The following TPO variants were observed in gnomAD, a reference collection of about 807,000 sequenced individuals.
TPO encodes thyroid microsomal antigen.
Under a neutral mutation model 96.9 loss-of-function variants are expected in TPO, and 78 were observed. That is an observed-to-expected ratio of 0.81 (90% confidence interval 0.67 to 0.97). TPO has a LOEUF of 0.97. TPO is among the 50% of genes least tolerant of loss of function. The probability of loss-of-function intolerance (pLI) is 0.00; values close to 1 mark genes in which losing one functional copy is unlikely to be tolerated. For missense variants in TPO, 1,252 were observed against 1,274.8 expected (o/e 0.98, Z 0.27); for synonymous variants, 547 against 538.0 (o/e 1.02, Z -0.23).
intron 13 of TPO, chr2:1,503,735 T>C (rs1482909482): frequency 2.4e-6 from 2 of 845,112 alleles, no homozygotes; most frequent in East Asian, 5.4e-5. Flanking sequence ...CCCTGCAGGC[T>C]CAGAGCCCGT....
intron 1 of TPO, among the ~76,000 whole-genome samples, chr2:1,392,296 T>C (rs1486819752): frequency 6.6e-6 from 1 of 152,230 alleles, no homozygotes; most frequent in African/African-American, 2.4e-5. Flanking sequence ...GTTTACGTGA[T>C]GGATTATGTT....
intron 5 of TPO, among the ~76,000 whole-genome samples, chr2:1,451,386 A>T (rs1667287241): frequency 6.6e-6 from 1 of 152,162 alleles, no homozygotes; most frequent in African/African-American, 2.4e-5. Context: ...TTATGACAAA[A>T]CCACTAATTT....
At chr2:1,531,748 ACT>A (rs1337071241) in intron 15 of TPO, among the ~76,000 whole-genome samples, 3 of 5,872 alleles carry the variant, frequency 5.1e-4, no homozygotes, top group African/African-American at 2.6e-3. Flanking sequence ...AATCACCCCC[ACT>A]CTCTGTAACC....
chr2:1,527,729 CACCAAATTT>C (rs1676919608), intron 15 of TPO, among the ~76,000 whole-genome samples: 1 of 146,676 alleles, frequency 6.8e-6, no homozygotes, highest in African/African-American at 2.6e-5. Context: ...TGTGCAACCT[CACCAAATTT>C]CTCCCACTCT....
intron 13 of TPO, among the ~76,000 whole-genome samples, chr2:1,497,298 C>T (rs552200254): frequency 1.3e-5 from 2 of 152,190 alleles, no homozygotes; most frequent in Non-Finnish European, 2.9e-5. Context: ...GGCCGCAAGG[C>T]AAGACAGCCG....
At chr2:1,491,074 G>C (rs1387372381) in intron 10 of TPO, among the ~76,000 whole-genome samples, 1 of 152,138 alleles carries the variant, frequency 6.6e-6, no homozygotes, top group Non-Finnish European at 1.5e-5. Flanking sequence ...AGAGGCTGAG[G>C]CAGGAGAATT....
chr2:1,393,400 GA>G (rs1160957645), intron 1 of TPO, among the ~76,000 whole-genome samples: 1 of 152,218 alleles, frequency 6.6e-6, no homozygotes, highest in Admixed American at 6.5e-5. Flanking sequence ...TTTGGGTGGG[GA>G]CACAGATTCA....
intron 5 of TPO, 25 bp downstream of exon 5, chr2:1,436,409 C>T: frequency 6.2e-7 from 1 of 1,614,104 alleles, no homozygotes; most frequent in East Asian, 2.2e-5. Context: ...TTTTCTTAAT[C>T]TTCTCGTGAA....
chr2:1,478,049 C>T (rs1670153358), intron 8 of TPO: 1 of 985,414 alleles, frequency 1.0e-6, no homozygotes, highest in Non-Finnish European at 1.2e-6. Context: ...GTGGGTGGAC[C>T]AGGGGTGCTG....
chr2:1,499,477 G>A (rs1436869609), intron 13 of TPO, among the ~76,000 whole-genome samples: 1 of 152,160 alleles, frequency 6.6e-6, no homozygotes, highest in South Asian at 2.1e-4. Flanking sequence ...CAGGGTGCAG[G>A]GGCCTGTCTC....
intron 1 of TPO, among the ~76,000 whole-genome samples, chr2:1,378,640 G>A (rs992242908): frequency 3.3e-5 from 5 of 152,202 alleles, no homozygotes; most frequent in Admixed American, 6.5e-5. Context: ...GGGCGACTGC[G>A]ACTCCGTGCT....
intron 1 of TPO, among the ~76,000 whole-genome samples, chr2:1,397,817 A>C (rs926741375): frequency 6.6e-6 from 1 of 152,186 alleles, no homozygotes; most frequent in Admixed American, 6.5e-5. Flanking sequence ...TCCTCTCTGC[A>C]CAACCCCCGA....
chr2:1,457,848 T>G (rs958037571), intron 7 of TPO, among the ~76,000 whole-genome samples: 1 of 152,034 alleles, frequency 6.6e-6, no homozygotes, highest in Non-Finnish European at 1.5e-5. Context: ...GGATTATGTG[T>G]GGGCATGTGT....
chr2:1,439,129 G>T, intron 5 of TPO: 1 of 384,706 alleles, frequency 2.6e-6, no homozygotes. Flanking sequence ...TTCCTGCTCG[G>T]CCCTTCTGAA....
At chr2:1,537,802 G>C (rs1465212659) in intron 15 of TPO, among the ~76,000 whole-genome samples, 62 of 56,248 alleles carry the variant, frequency 1.1e-3, no homozygotes, top group African/African-American at 4.4e-3. Flanking sequence ...TGTGAGCAAT[G>C]TCCCCAAATC....
In TPO at chr2:1,500,477, A is replaced by T. The variant is rs542550292; in HGVS notation, c.2387-3471A>T. 2.0e-5 allele frequency among the ~76,000 whole-genome samples: 3 copies of T among 152,322 alleles called. No homozygotes were observed. The South Asian group carries it at 6.2e-4, about 32-fold the overall frequency. ...AAAACTCAAGTATAACAGACAGGAA[A>T]CTTTACGTTTATGGTAAATTGATAA... On this transcript the variant is annotated intron_variant, in intron 13 of 16. Transcript: ENST00000329066.
At chr2:1,486,394 C>T (rs562065609) in intron 9 of TPO, among the ~76,000 whole-genome samples, 84 of 151,866 alleles carry the variant, frequency 5.5e-4, no homozygotes, top group Non-Finnish European at 1.0e-3. Flanking sequence ...AAACATTAGC[C>T]GTGTGTGGTG....
At chr2:1,473,061 T>A (rs1669585756) in intron 7 of TPO, among the ~76,000 whole-genome samples, 1 of 152,212 alleles carries the variant, frequency 6.6e-6, no homozygotes, top group African/African-American at 2.4e-5. Context: ...TATCTCTCAC[T>A]TTTCTTACAA....
intron 5 of TPO, 45 bp downstream of exon 5, chr2:1,436,429 T>C (rs200917201): frequency 2.5e-5 from 41 of 1,613,314 alleles, no homozygotes; most frequent in Non-Finnish European, 3.3e-5. Flanking sequence ...AAGTTGGATC[T>C]GAACATGACT....
Sources: allele counts gnomAD v4.1 joint callset (sites outside exome capture counted in the v4.1 genomes callset), GRCh38; gene constraint gnomAD v4.1.1; transcripts MANE v1.5; gene names NCBI Gene and HGNC (gene_info 2026-07-23, HGNC 2026-07-21).